Variants in LAMA1 observed in about 807,000 individuals in gnomAD.
The protein encoded by LAMA1 is laminin subunit alpha-1.
In LAMA1, 219 loss-of-function variants were observed where a neutral mutation model predicts 348.7. The observed-to-expected ratio is 0.63, with a 90% CI of 0.56 to 0.70. LAMA1 has a LOEUF of 0.70. Among genes scored for constraint, LAMA1 ranks in the 30% least tolerant of loss-of-function variants. The probability of loss-of-function intolerance (pLI) is 0.00; values close to 1 mark genes in which losing one functional copy is unlikely to be tolerated. For synonymous variants in LAMA1, 1,487 were observed against 1,491.0 expected (o/e 1.00, Z 0.06); for missense variants, 3,744 against 3,888.0 (o/e 0.96, Z 0.99).
At chr18:6,965,461 GT>G (rs755791806) in intron 49 of LAMA1, 29 bp from the exon 50 acceptor site, 2 of 1,613,584 alleles carry the variant, frequency 1.2e-6, no homozygotes. Context: ...AGTTCCCCAG[GT>G]TATAGCTTTA....
chr18:7,014,077 T>G, intron 22 of LAMA1, 26 bp from the exon 23 acceptor site: 1 of 1,567,312 alleles, frequency 6.4e-7, no homozygotes, highest in Non-Finnish European at 8.8e-7. Context: ...ACCAACTCAA[T>G]TAAAAAGGCA....
intron 1 of LAMA1, among the ~76,000 whole-genome samples, chr18:7,108,447 G>A (rs1796908111): frequency 2.0e-5 from 3 of 151,876 alleles, no homozygotes; most frequent in African/African-American, 7.3e-5. Flanking sequence ...GATCACTTGA[G>A]GTCAGGAGTT....
chr18:6,948,633 ATC>A, intron 59 of LAMA1, 77 bp from the exon 60 acceptor site: 2 of 634,730 alleles, frequency 3.2e-6, no homozygotes, highest in Non-Finnish European at 4.9e-6. Context: ...CTTCCACTTC[ATC>A]AGACTGGTCT....
Position 7,011,371 on chromosome 18 carries a change from C to T in LAMA1, c.3616G>A (p.Ala1206Thr), listed in dbSNP as rs202168119. The change falls in exon 25 of 63, where the codon GCC (alanine) becomes ACC (threonine). Residue 1206 changes from alanine to threonine, a missense_variant. By Grantham distance (58) the Ala-to-Thr change is moderately conservative. Coordinates refer to ENST00000389658, the MANE Select transcript of LAMA1 (RefSeq NM_005559.4). Reference sequence around the variant, plus strand: ...GCACGGATGTGCTGCCGGACGGTGGCGGCATCCAGCAGGAAGTCGGGGGCC... The same window carrying T: ...GCACGGATGTGCTGCCGGACGGTGGTGGCATCCAGCAGGAAGTCGGGGGCC... The part of the protein sequence containing the change: ...YQAPDFLLDA[A>T]TVRQHIRAEP... The T allele has an allele frequency of 3.1e-6, 5 of 1,611,394 alleles. No homozygotes were observed. Among genetic ancestry groups the T allele is most frequent in the African/African-American group, 1.3e-5 (1 of 75,020 alleles).
chr18:7,072,507 TG>T (rs1409482711), intron 3 of LAMA1, among the ~76,000 whole-genome samples: 1 of 152,236 alleles, frequency 6.6e-6, no homozygotes, highest in African/African-American at 2.4e-5. Context: ...AGGACCAAGC[TG>T]GTGCCCTGAT....
At chr18:7,070,662 C>T (rs776854712) in intron 3 of LAMA1, among the ~76,000 whole-genome samples, 20 of 152,212 alleles carry the variant, frequency 1.3e-4, no homozygotes, top group Non-Finnish European at 2.6e-4. Context: ...ATTATGTTCC[C>T]ACAACAAAGT....
chr18:7,099,493 A>AC (rs1284962521), intron 1 of LAMA1, among the ~76,000 whole-genome samples: 39 of 147,908 alleles, frequency 2.6e-4, no homozygotes, highest in Admixed American at 1.9e-3. Context: ...AAAAAAAACA[A>AC]AAAAAAAAAT....
At chr18:7,032,402 T>C (rs940304229) in intron 15 of LAMA1, among the ~76,000 whole-genome samples, 7 of 152,202 alleles carry the variant, frequency 4.6e-5, no homozygotes, top group African/African-American at 1.7e-4. Context: ...TTTTTAAAGG[T>C]AGAAACACAC....
At chr18:6,970,556 GA>G (rs1394213907) in intron 48 of LAMA1, among the ~76,000 whole-genome samples, 1 of 151,996 alleles carries the variant, frequency 6.6e-6, no homozygotes, top group Non-Finnish European at 1.5e-5. Flanking sequence ...AGAAGCCTGA[GA>G]AACTCAAGAC....
intron 16 of LAMA1, among the ~76,000 whole-genome samples, chr18:7,031,082 C>T (rs552119812): frequency 6.6e-6 from 1 of 152,190 alleles, no homozygotes; most frequent in Non-Finnish European, 1.5e-5. Flanking sequence ...AGTTCTAAGC[C>T]ATCCTGGACA....
At chr18:6,991,825 CAACAT>C (rs1351432378) in intron 36 of LAMA1, among the ~76,000 whole-genome samples, 1 of 152,170 alleles carries the variant, frequency 6.6e-6, no homozygotes, top group Non-Finnish European at 1.5e-5. Context: ...AAGTCCCTCA[CAACAT>C]AATTTAAAAT....
chr18:7,033,741 CT>C (rs34533768), intron 14 of LAMA1, among the ~76,000 whole-genome samples: 179 of 149,072 alleles, frequency 1.2e-3, no homozygotes, highest in Middle Eastern at 3.4e-3. Context: ...ATGCATACAA[CT>C]TTTTTTTTTT....
chr18:7,116,032 C>T (rs2058354955), intron 1 of LAMA1, among the ~76,000 whole-genome samples: 1 of 151,740 alleles, frequency 6.6e-6, no homozygotes, highest in South Asian at 2.1e-4. Flanking sequence ...TGGTGGGGTG[C>T]GGAAGGCAAA....
chr18:7,053,988 C>A (rs1469154115), intron 3 of LAMA1, among the ~76,000 whole-genome samples: 1 of 152,070 alleles, frequency 6.6e-6, no homozygotes, highest in Non-Finnish European at 1.5e-5. Context: ...CTAGGCTGGT[C>A]TCAAACTCCT....
Position 7,015,727 on chromosome 18 carries a change from A to G in LAMA1, c.3121T>C (p.Cys1041Arg). The G allele has an allele frequency of 6.2e-7, 1 of 1,613,600 alleles. No homozygotes were observed. The highest frequency in any genetic ancestry group is 8.5e-7 in the Non-Finnish European group (1 of 1,179,974). ...GHWGYDAEVGCQACNCSLVGS... is the reference protein window; with the variant it reads ...GHWGYDAEVGRQACNCSLVGS... ...GCGTGGATGACAGTGCTCACCTGGC[A>G]CCCCACCTCCGCATCGTAGCCCCAG... The change falls in exon 22 of 63, where the codon TGC (cysteine) becomes CGC (arginine). Residue 1041 changes from cysteine to arginine, a missense_variant. By Grantham distance (180) the Cys-to-Arg change is radical. Around this residue, in one of 3 missense-constraint regions of LAMA1, gnomAD observed 1,529 missense variants for 1,689.4 expected, o/e 0.91. Transcript: ENST00000389658.
At chr18:6,988,921 G>T (rs1295309060) in intron 36 of LAMA1, among the ~76,000 whole-genome samples, 1 of 40,696 alleles carries the variant, frequency 2.5e-5, no homozygotes, top group African/African-American at 6.9e-5. Flanking sequence ...AGTCAACGTG[G>T]CGGGCTGGAT....
intron 20 of LAMA1, 42 bp from the exon 21 acceptor site, chr18:7,016,713 T>C: frequency 6.5e-7 from 1 of 1,538,564 alleles, no homozygotes; most frequent in Non-Finnish European, 8.8e-7. Context: ...CAACATACGT[T>C]TTAATAAATG....
chr18:6,985,420 T>C lies in LAMA1; in HGVS notation c.5497-20A>G, dbSNP rs562077204. 1.2e-6 allele frequency: 2 copies of C among 1,613,806 alleles called. No individual in the cohort carries two copies. Among genetic ancestry groups the C allele is most frequent in the African/African-American group, 2.7e-5 (2 of 75,030 alleles). On this transcript the variant is annotated intron_variant, in intron 38 of 62. Coordinates refer to ENST00000389658, the MANE Select transcript of LAMA1 (RefSeq NM_005559.4). ...TAAGTGCTACATGGAGAAATTAATA[T>C]TGTAAATATATGCACATCTACTTAA...
chr18:7,078,458 A>G (rs927951549), intron 3 of LAMA1, among the ~76,000 whole-genome samples: 3 of 151,598 alleles, frequency 2.0e-5, no homozygotes, highest in Non-Finnish European at 4.4e-5. Flanking sequence ...GAGCCACCGC[A>G]CCTGGCTCTT....
Sources: allele counts gnomAD v4.1 joint callset (sites outside exome capture counted in the v4.1 genomes callset), GRCh38; gene constraint gnomAD v4.1.1; regional missense constraint gnomAD v4.1.1; transcripts MANE v1.5; gene names NCBI Gene and HGNC (gene_info 2026-07-23, HGNC 2026-07-21).